The following RNASE11 variants were observed in gnomAD, a reference collection of about 807,000 sequenced individuals.
RNASE11 encodes putative inactive ribonuclease 11.
For synonymous variants in RNASE11, 105 were observed against 86.1 expected, an observed-to-expected ratio of 1.22 and a Z score of -1.21; for missense variants, 252 against 237.8, an observed-to-expected ratio of 1.06 and a Z score of -0.39.
chr14:20,584,171 T>C, exon 2 of RNASE11: 1 of 1,614,200 alleles, frequency 6.2e-7, no homozygotes, highest in Non-Finnish European at 8.5e-7. Context: ...CTCCAGACTG[T>C]CATGTCATTG....
chr14:20,584,075 C>T, exon 2 of RNASE11: 1 of 1,614,174 alleles, frequency 6.2e-7, no homozygotes, highest in Non-Finnish European at 8.5e-7. Context: ...CAGCTGGGGG[C>T]CCTGTGGACC....
intron 1 of RNASE11, among the ~76,000 whole-genome samples, chr14:20,587,320 TCA>T (rs1255015788): frequency 6.6e-6 from 1 of 152,212 alleles, no homozygotes; most frequent in Non-Finnish European, 1.5e-5. Flanking sequence ...TTGGTTCATC[TCA>T]GTTATACTTT....
exon 2 of RNASE11, chr14:20,584,006 C>G (rs1178634040): frequency 6.2e-7 from 1 of 1,614,076 alleles, no homozygotes; most frequent in Non-Finnish European, 8.5e-7. Flanking sequence ...AACTGGCACA[C>G]TGTATTTTCC....
chr14:20,583,536 A>G (rs1454609075), downstream of RNASE11: 1 of 244,208 alleles, frequency 4.1e-6, no homozygotes, highest in East Asian at 8.9e-5. Context: ...CATTGTCCAT[A>G]TTGGCTTTAG....
intron 1 of RNASE11, 91 bp from the exon 3 acceptor site, chr14:20,584,587 C>T (rs1723220573): frequency 9.3e-7 from 1 of 1,080,910 alleles, no homozygotes; most frequent in South Asian, 1.9e-5. Context: ...GTAGGGACCC[C>T]TACATGTAGG....
intron 1 of RNASE11, among the ~76,000 whole-genome samples, chr14:20,586,581 T>C (rs1031580774): frequency 1.3e-5 from 2 of 152,218 alleles, no homozygotes; most frequent in Admixed American, 1.3e-4. Flanking sequence ...CAGGTGTGTG[T>C]CCAAGGATGC....
At chr14:20,583,441 C>T (rs1884351410), downstream of RNASE11, 1 of 171,140 alleles carries the variant, frequency 5.8e-6, no homozygotes, top group South Asian at 1.4e-4. Flanking sequence ...AGCACATACC[C>T]TTTGAAGAGA....
intron 1 of RNASE11, chr14:20,585,145 G>C: frequency 3.3e-6 from 3 of 903,374 alleles, no homozygotes; most frequent in Non-Finnish European, 4.0e-6. Context: ...GGGAAGGAGG[G>C]GCAACAGAGG....
chr14:20,583,993 G>T, exon 2 of RNASE11: 1 of 1,614,172 alleles, frequency 6.2e-7, no homozygotes, highest in Non-Finnish European at 8.5e-7. Context: ...TTTGCCTGTA[G>T]TGAACTGGCA....
At chr14:20,588,932 G>A (rs1236951945), upstream of RNASE11, among the ~76,000 whole-genome samples, 2 of 151,752 alleles carry the variant, frequency 1.3e-5, no homozygotes, top group Non-Finnish European at 1.5e-5. Context: ...GATTACAGGC[G>A]TGCACCACCA....
At chr14:20,588,834 T>G (rs1341702837), upstream of RNASE11, among the ~76,000 whole-genome samples, 1 of 152,212 alleles carries the variant, frequency 6.6e-6, no homozygotes, top group African/African-American at 2.4e-5. Context: ...TTGCCCAGGC[T>G]GGAGTGCAAT....
chr14:20,586,906 T>C (rs1394305893), intron 1 of RNASE11, among the ~76,000 whole-genome samples: 2 of 152,144 alleles, frequency 1.3e-5, no homozygotes, highest in Non-Finnish European at 2.9e-5. Flanking sequence ...TCTCATTGCT[T>C]TGGGAGGCCA....
At chr14:20,590,232 C>T, upstream of RNASE11, 1 of 1,596,322 alleles carries the variant, frequency 6.3e-7, no homozygotes, top group South Asian at 1.1e-5. Context: ...ACAGCCAGCT[C>T]CAATGCCATT....
chr14:20,583,389 C>T (rs909841783), downstream of RNASE11: 12 of 154,842 alleles, frequency 7.7e-5, no homozygotes, highest in African/African-American at 2.9e-4. Flanking sequence ...GAAGGACAGG[C>T]AGACTCTTTG....
At position 20,584,390 on chromosome 14, in the gene RNASE11, C is replaced by A. The variant is rs775601376; in HGVS notation, c.85G>T (p.Glu29Ter). The A allele has an allele frequency of 1.4e-5, 23 of 1,614,098 alleles. 1 individual carries two copies. The East Asian group carries it at 5.1e-4, about 36-fold the overall frequency. The change falls in exon 2 of 2, where the codon GAA (glutamate) becomes TAA (stop). Residue 29 changes from glutamate (E) to a stop codon, truncating the protein, a stop_gained. Coordinates refer to ENST00000553849, the Ensembl canonical transcript of RNASE11. LOFTEE classifies it low-confidence loss of function (END_TRUNC). The stretch of plus-strand genomic sequence containing the variant: ...TATTGCATCTCTTCGTCTGTAAATT[C>A]TTCTTTAATTATCTTCATTGTGCTT...
upstream of RNASE11, chr14:20,587,877 C>A: frequency 7.1e-6 from 7 of 980,852 alleles, no homozygotes; most frequent in South Asian, 4.7e-5. Context: ...TTTGACATGA[C>A]CTTGAACTAA....
At chr14:20,583,828 A>C in exon 2 of RNASE11, 1 of 1,528,268 alleles carries the variant, frequency 6.5e-7, no homozygotes, top group Non-Finnish European at 8.8e-7. Flanking sequence ...AATGAACAAG[A>C]AGAGGTCCTT....
chr14:20,590,172 C>T (rs1884536683), upstream of RNASE11: 8 of 1,510,372 alleles, frequency 5.3e-6, no homozygotes, highest in East Asian at 9.1e-5. Flanking sequence ...GTGGCTTCCC[C>T]TTCCGCTCAA....
chr14:20,588,422 T>C (rs1884482171), upstream of RNASE11: 1 of 152,224 alleles, frequency 6.6e-6, no homozygotes, highest in Admixed American at 6.5e-5. Flanking sequence ...CAAAGTCCTC[T>C]CTGTTCCTTC....
Sources: allele counts gnomAD v4.1 joint callset (sites outside exome capture counted in the v4.1 genomes callset), GRCh38; gene constraint gnomAD v4.1.1; transcripts MANE v1.5; gene names NCBI Gene and HGNC (gene_info 2026-07-23, HGNC 2026-07-21).